ABL1: variants seen among roughly 807,000 people sequenced by gnomAD.
ABL1 encodes ABL proto-oncogene 1, non-receptor tyrosine kinase, also known as tyrosine-protein kinase ABL1.
Under a neutral mutation model 94.7 loss-of-function variants are expected in ABL1, and 11 were observed. The ratio of observed to expected loss-of-function variants is 0.12; its 90% CI spans 0.07 to 0.19. ABL1 has a LOEUF of 0.19. Among genes scored for constraint, ABL1 ranks in the 10% least tolerant of loss-of-function variants. The pLI, the probability that ABL1 is intolerant of heterozygous loss-of-function variation, is 1.00. For synonymous variants in ABL1, 656 were observed against 622.4 expected, an observed-to-expected ratio of 1.05 and a Z score of -0.80; for missense variants, 1,082 against 1,489.4, an observed-to-expected ratio of 0.73 and a Z score of 4.50.
intron 1 of ABL1, among the ~76,000 whole-genome samples, chr9:130,846,432 G>A (rs1189388897): frequency 5.9e-5 from 9 of 152,246 alleles, no homozygotes; most frequent in South Asian, 2.1e-4. Context: ...ACCCACAAAG[G>A]AAATATGAAT....
Position 130,817,134 on chromosome 9 carries a change from C to T in ABL1, c.137-36930C>T, listed in dbSNP as rs1830297722. ...TTATAAAGTATCTAAGCTTTTAAGT[C>T]CTAATGCATTTAAGATCTGTAAAAA... is the stretch of plus-strand genomic sequence containing the variant. On this transcript the variant is annotated intron_variant, in intron 1 of 10. Transcript: ENST00000372348. Among the ~76,000 whole-genome samples the T allele has an allele frequency of 2.6e-5, 4 of 152,334 alleles. No individual in the cohort carries two copies. In the South Asian group the frequency reaches 8.3e-4, roughly 32 times the overall value.
chr9:130,768,255 G>T, intron 1 of ABL1, among the ~76,000 whole-genome samples: 1 of 152,074 alleles, frequency 6.6e-6, no homozygotes, highest in Admixed American at 6.6e-5. Context: ...GGATTTACTT[G>T]GTTGCTACAT....
At chr9:130,791,452 G>C (rs1239733638) in intron 1 of ABL1, among the ~76,000 whole-genome samples, 1 of 152,142 alleles carries the variant, frequency 6.6e-6, no homozygotes, top group Non-Finnish European at 1.5e-5. Flanking sequence ...TGTGTGTGAG[G>C]GTGTTGCCAG....
chr9:130,761,789 C>G (rs1043664294), intron 1 of ABL1, among the ~76,000 whole-genome samples: 2 of 152,006 alleles, frequency 1.3e-5, no homozygotes, highest in Admixed American at 6.6e-5. Context: ...TTTTATTTGA[C>G]AAATGAAAGT....
intron 1 of ABL1, among the ~76,000 whole-genome samples, chr9:130,799,101 A>G (rs1367792531): frequency 6.6e-6 from 1 of 152,180 alleles, no homozygotes; most frequent in Admixed American, 6.5e-5. Context: ...CTTAATAGAA[A>G]TATCTGTAAA....
At chr9:130,864,921 G>T (rs913866710) in intron 4 of ABL1, among the ~76,000 whole-genome samples, 3 of 152,208 alleles carry the variant, frequency 2.0e-5, no homozygotes, top group African/African-American at 7.2e-5. Context: ...ATTTCAACCA[G>T]TAAAAGCTTG....
At chr9:130,764,195 C>T (rs920891140) in intron 1 of ABL1, among the ~76,000 whole-genome samples, 3 of 152,248 alleles carry the variant, frequency 2.0e-5, no homozygotes. Flanking sequence ...TCACTGTGTC[C>T]TTGAGGGAGA....
At chr9:130,861,255 A>G (rs955688098) in intron 3 of ABL1, among the ~76,000 whole-genome samples, 1 of 152,174 alleles carries the variant, frequency 6.6e-6, no homozygotes, top group African/African-American at 2.4e-5. Context: ...TCAGAATTTT[A>G]TTTTAGTGAT....
intron 3 of ABL1, among the ~76,000 whole-genome samples, chr9:130,860,788 G>T (rs1831057619): frequency 6.6e-6 from 1 of 152,214 alleles, no homozygotes; most frequent in Admixed American, 6.5e-5. Context: ...GAGAACAGGG[G>T]TTGGAGCACT....
At chr9:130,851,766 C>CTTT (rs149948786) in intron 1 of ABL1, among the ~76,000 whole-genome samples, 7 of 122,812 alleles carry the variant, frequency 5.7e-5, no homozygotes, top group Non-Finnish European at 8.4e-5. Flanking sequence ...CTCTCTTTTT[C>CTTT]TTTTTTTTTT....
intron 1 of ABL1, among the ~76,000 whole-genome samples, chr9:130,784,306 A>G (rs1158507099): frequency 8.5e-5 from 13 of 152,156 alleles, no homozygotes; most frequent in Admixed American, 7.9e-4. Flanking sequence ...CCTTTTAAAG[A>G]CATATAGTAA....
At position 130,884,839 on chromosome 9, in the gene ABL1, C is replaced by T. The variant is rs755990618; in HGVS notation, c.2549C>T (p.Pro850Leu). Residue 850 changes from proline to leucine, a missense_variant, in exon 11 of 11, where the codon CCA becomes CTA. Coordinates refer to ENST00000318560, the MANE Select transcript of ABL1 (RefSeq NM_005157.6). This position sits in a 1 kb window ranked among gnomAD's most constrained non-coding sequence, Gnocchi z 5.6. ...SALGTPAAAE[P>L]VTPTSKAGSG... The stretch of plus-strand genomic sequence containing the variant: ...TTAGGGACCCCTGCTGCAGCTGAGC[C>T]AGTGACCCCCACCAGCAAAGCAGGC... 3 of 1,604,540 alleles carry T rather than the reference C, an allele frequency of 1.9e-6. No individual in the cohort carries two copies.
chr9:130,862,550 C>G lies in ABL1; in HGVS notation c.550-213C>G, dbSNP rs1831090988. Among the ~76,000 whole-genome samples, 1 of 152,106 alleles carries G rather than the reference C, an allele frequency of 6.6e-6. No homozygotes were observed. On this transcript the variant is annotated intron_variant, in intron 3 of 10. Transcript: ENST00000318560. This position sits in a 1 kb window ranked among gnomAD's most constrained non-coding sequence, Gnocchi z 5.5. Reference sequence around the variant, plus strand: ...AGCAGCAGGTACAGAGGCCCTGAGGCCTTTTATTGTGTCTTTTTGCTTGAG... The same window carrying G: ...AGCAGCAGGTACAGAGGCCCTGAGGGCTTTTATTGTGTCTTTTTGCTTGAG...
At chr9:130,728,394 C>CT (rs1267075762) in intron 1 of ABL1, among the ~76,000 whole-genome samples, 30 of 129,640 alleles carry the variant, frequency 2.3e-4, no homozygotes, top group Non-Finnish European at 3.8e-4. Context: ...CTTTTCTTTC[C>CT]TTTTTTTTTG....
chr9:130,722,374 CAG>C (rs375123067), intron 1 of ABL1, among the ~76,000 whole-genome samples: 147 of 149,064 alleles, frequency 9.9e-4, no homozygotes, highest in African/African-American at 3.3e-3. Context: ...GCCTGGGCAA[CAG>C]AGCGAGACTC....
intron 1 of ABL1, among the ~76,000 whole-genome samples, chr9:130,808,474 C>T (rs1390635057): frequency 1.3e-5 from 2 of 152,086 alleles, no homozygotes; most frequent in Non-Finnish European, 2.9e-5. Context: ...GAACTCCTGA[C>T]CTCAGGTGAT....
chr9:130,714,624 T>G (rs1410666064), intron 1 of ABL1: 4 of 882,936 alleles, frequency 4.5e-6, no homozygotes, highest in African/African-American at 1.7e-5. Context: ...AAAAAGTTAC[T>G]TCGTGACTTC....
At chr9:130,867,988 C>G (rs1267918539) in intron 4 of ABL1, among the ~76,000 whole-genome samples, 1 of 148,978 alleles carries the variant, frequency 6.7e-6, no homozygotes, top group Non-Finnish European at 1.5e-5. Flanking sequence ...GAGACAGAGT[C>G]TCACTCTGTC....
chr9:130,738,176 C>T (rs547286232), intron 1 of ABL1, among the ~76,000 whole-genome samples: 85 of 152,138 alleles, frequency 5.6e-4, no homozygotes, highest in Non-Finnish European at 9.6e-4. Flanking sequence ...AAAGATAAGA[C>T]CCGAGACCAA....
Sources: gnomAD v4.1 joint callset for allele counts (sites outside exome capture counted in the v4.1 genomes callset) on GRCh38, gnomAD v4.1.1 for gene constraint, Gnocchi (gnomAD v3.1) non-coding constraint, MANE v1.5 for transcripts, NCBI Gene and HGNC (gene_info 2026-07-23, HGNC 2026-07-21) for gene names.